BLK: variants seen among roughly 807,000 people sequenced by gnomAD.
BLK encodes tyrosine-protein kinase Blk.
In BLK, 64 loss-of-function variants were observed where a neutral mutation model predicts 61.8. The observed-to-expected ratio is 1.03, with a 90% CI of 0.85 to 1.27. The LOEUF (loss-of-function observed/expected upper bound fraction) is 1.27, where lower values mean the gene tolerates loss of function less well. BLK is among the 50% of genes most tolerant of loss of function. BLK has a pLI of 0.00. For synonymous variants in BLK, 351 were observed against 272.0 expected (o/e 1.29, Z -2.86); for missense variants, 853 against 660.5 (o/e 1.29, Z -3.19).
intron 8 of BLK, chr8:11,556,000 G>A (rs994699690): frequency 1.0e-5 from 3 of 286,144 alleles, no homozygotes; most frequent in Admixed American, 4.6e-5. Context: ...CTCGTGTTCC[G>A]TTTTATCCCT....
intron 8 of BLK, chr8:11,556,195 G>T: frequency 3.7e-6 from 1 of 267,738 alleles, no homozygotes; most frequent in Non-Finnish European, 7.3e-6. Context: ...CAGGGAGAGT[G>T]TGGAGATACA....
rs1233573472 is a variant in BLK at position 11,564,241 on chromosome 8, G to A, written c.*133G>A. On this transcript the variant is annotated 3_prime_UTR_variant, in exon 13 of 13. Transcript: ENST00000259089. The stretch of plus-strand genomic sequence containing the variant: ...CAGACCCGGAATCCAGTGGGCAGAG[G>A]CAGCTTCGCAGGGGGTCCCCGGACG... 1 of 1,108,252 alleles carries A rather than the reference G, an allele frequency of 9.0e-7. No homozygotes were observed. Among genetic ancestry groups the A allele is most frequent in the South Asian group, 1.4e-5 (1 of 73,824 alleles). The allele number at this position is 1,108,252 out of a possible 1,614,324, so 68.7% of individuals were successfully genotyped here.
intron 6 of BLK, chr8:11,552,905 C>T (rs1025945780): frequency 6.5e-6 from 1 of 152,778 alleles, no homozygotes; most frequent in Non-Finnish European, 1.5e-5. Context: ...CACATGCACA[C>T]ATGAACACAC....
chr8:11,500,000 G>C (rs190166374), intron 1 of BLK, among the ~76,000 whole-genome samples: 2 of 152,200 alleles, frequency 1.3e-5, no homozygotes, highest in Non-Finnish European at 2.9e-5. Context: ...ATACAAGCAG[G>C]ACAGCATTTC....
At chr8:11,548,194 CCA>C in intron 4 of BLK, 69 bp downstream of exon 4, 1 of 1,319,266 alleles carries the variant, frequency 7.6e-7, no homozygotes, top group Non-Finnish European at 1.1e-6. Context: ...CTTTCTCCAC[CCA>C]CCACATCCTC....
In BLK at chr8:11,548,070, A is replaced by T; in HGVS notation, c.214A>T (p.Met72Leu). Reference protein sequence around the residue: ...FVVALYDYTAMNDRDLQMLKG... With the variant: ...FVVALYDYTALNDRDLQMLKG... The stretch of plus-strand genomic sequence containing the variant: ...GGTGGCTCTGTATGACTACACCGCT[A>T]TGAATGATCGGGACCTGCAGATGCT... The change falls in exon 4 of 13, where the codon ATG becomes TTG. Residue 72 changes from methionine (M) to leucine (L), a missense_variant. Physicochemically the swap from Met to Leu is conservative, Grantham distance 15. Coordinates refer to ENST00000259089, the MANE Select transcript of BLK (RefSeq NM_001715.3). 6.2e-7 allele frequency: 1 copy of T among 1,614,060 alleles called. No individual in the cohort carries two copies. Among genetic ancestry groups the T allele is most frequent in the South Asian group, 1.1e-5 (1 of 91,070 alleles).
chr8:11,559,671 T>C, intron 10 of BLK: 1 of 447,594 alleles, frequency 2.2e-6, no homozygotes, highest in South Asian at 1.6e-5. Context: ...ACAGGAACCC[T>C]GCAATCACAA....
At chr8:11,530,902 T>G (rs938619343) in intron 1 of BLK, among the ~76,000 whole-genome samples, 1 of 152,250 alleles carries the variant, frequency 6.6e-6, no homozygotes, top group Non-Finnish European at 1.5e-5. Context: ...AATATCTGGG[T>G]CACAGGTTAA....
chr8:11,506,752 G>C (rs1798783173), intron 1 of BLK, among the ~76,000 whole-genome samples: 1 of 152,154 alleles, frequency 6.6e-6, no homozygotes, highest in South Asian at 2.1e-4. Context: ...GTCAGCCTCT[G>C]ACCCTGGCCA....
At chr8:11,535,677 G>A (rs1035353427) in intron 1 of BLK, among the ~76,000 whole-genome samples, 2 of 152,142 alleles carry the variant, frequency 1.3e-5, no homozygotes, top group Admixed American at 1.3e-4. Flanking sequence ...GGAGGAATAG[G>A]GATGCCTGAG....
chr8:11,555,286 G>C, intron 7 of BLK, 46 bp from the exon 8 acceptor site: 1 of 1,612,342 alleles, frequency 6.2e-7, no homozygotes, highest in East Asian at 2.2e-5. Flanking sequence ...GGTAGAGCCT[G>C]GCTGCTCTGG....
At chr8:11,532,329 G>T (rs1413535573) in intron 1 of BLK, among the ~76,000 whole-genome samples, 1 of 149,972 alleles carries the variant, frequency 6.7e-6, no homozygotes, top group Non-Finnish European at 1.5e-5. Flanking sequence ...CTCCCAAGTA[G>T]CTAGGATTAC....
chr8:11,512,958 C>T (rs949245938), intron 1 of BLK, among the ~76,000 whole-genome samples: 2 of 152,160 alleles, frequency 1.3e-5, no homozygotes, highest in Non-Finnish European at 2.9e-5. Context: ...TGAGCCACCG[C>T]GGCTGGTCAG....
In BLK at chr8:11,535,048, C is replaced by T. The variant is rs183671090; in HGVS notation, c.-1-8176C>T. ...AAAAAATTAGCCAGGCATGGCAGCA[C>T]GTGCCTGTGGTCCTAGCTACTCGGG... On this transcript the variant is annotated intron_variant, in intron 1 of 12. Transcript: ENST00000259089. 1.7e-4 allele frequency among the ~76,000 whole-genome samples: 26 copies of T among 151,958 alleles called. No individual in the cohort carries two copies. In the East Asian group the frequency reaches 4.1e-3, roughly 24 times the overall value.
intron 6 of BLK, chr8:11,553,462 G>A (rs1314909705): frequency 2.5e-6 from 1 of 408,094 alleles, no homozygotes; most frequent in Non-Finnish European, 4.9e-6. Context: ...AAGCCATCAG[G>A]GACGGGGCCT....
chr8:11,556,960 A>C, intron 9 of BLK, 123 bp downstream of exon 9: 2 of 773,086 alleles, frequency 2.6e-6, no homozygotes, highest in South Asian at 1.6e-5. Flanking sequence ...AGGGCATGGC[A>C]CGGTGTGGGG....
intron 2 of BLK, 124 bp from the exon 3 acceptor site, chr8:11,545,928 C>T: frequency 9.9e-7 from 1 of 1,007,374 alleles, no homozygotes; most frequent in Non-Finnish European, 1.6e-6. Context: ...CCACAGGCAG[C>T]TGCCTCTCCT....
In BLK at chr8:11,558,940, CACA is replaced by C. The variant is rs149516141; in HGVS notation, c.1029+905_1029+907del. The C allele has an allele frequency of 1.3e-3, 579 of 456,208 alleles. 3 individuals carry two copies. The highest frequency in any genetic ancestry group is 0.011 in the African/African-American group (534 of 50,144). 28.3% of individuals were successfully genotyped at this position (456,208 alleles called of 1,614,324 possible). On this transcript the variant is annotated intron_variant, in intron 10 of 12. Coordinates refer to ENST00000259089, the MANE Select transcript of BLK (RefSeq NM_001715.3). ...GTAGCGCCGCTGCAGGAACTGATGC[CACA>C]ACGCCTTTTTCCGCTGAGGTGGGCA...
chr8:11,548,698 C>A (rs1452431254), intron 4 of BLK, among the ~76,000 whole-genome samples: 1 of 152,212 alleles, frequency 6.6e-6, no homozygotes, highest in Non-Finnish European at 1.5e-5. Context: ...ATACAGTCCA[C>A]GCCAACCGTG....
Sources: allele counts gnomAD v4.1 joint callset (sites outside exome capture counted in the v4.1 genomes callset), GRCh38; gene constraint gnomAD v4.1.1; transcripts MANE v1.5; gene names NCBI Gene and HGNC (gene_info 2026-07-23, HGNC 2026-07-21).